The following UNC13C variants were observed in gnomAD, a reference collection of about 807,000 sequenced individuals.
UNC13C encodes unc-13 homolog C.
UNC13C carries 174 observed loss-of-function variants against 245.4 expected under a neutral mutation model. The ratio of observed to expected loss-of-function variants is 0.71; its 90% confidence interval spans 0.63 to 0.80. The LOEUF is 0.80. Ranked by LOEUF, UNC13C falls within the 30% of genes least tolerant of loss-of-function variation. The pLI, the probability that UNC13C is intolerant of heterozygous loss-of-function variation, is 0.00. For synonymous variants in UNC13C, 992 were observed against 895.1 expected, an observed-to-expected ratio of 1.11 and a Z score of -1.93; for missense variants, 2,829 against 2,602.9, an observed-to-expected ratio of 1.09 and a Z score of -1.89.
intron 30 of UNC13C, among the ~76,000 whole-genome samples, chr15:54,570,578 C>T (rs558235276): frequency 6.6e-6 from 1 of 152,156 alleles, no homozygotes; most frequent in African/African-American, 2.4e-5. Context: ...TCCAGGATTT[C>T]TGAGTAATAT....
At chr15:54,239,271 A>G (rs977427410) in intron 7 of UNC13C, among the ~76,000 whole-genome samples, 1 of 152,030 alleles carries the variant, frequency 6.6e-6, no homozygotes, top group African/African-American at 2.4e-5. Flanking sequence ...CCAAATGTCA[A>G]TCTTTCCTGG....
chr15:54,511,968 A>G (rs1894765559), intron 24 of UNC13C, 138 bp downstream of exon 24: 4 of 685,228 alleles, frequency 5.8e-6, no homozygotes, highest in Middle Eastern at 4.9e-4. Context: ...CTCAAATGTC[A>G]TTAACAACTA....
rs765805592 is a variant in UNC13C, at chr15:54,294,014, T to C, written c.3938T>C (p.Ile1313Thr). The C allele has an allele frequency of 5.1e-5, 81 of 1,594,170 alleles. No individual in the cohort carries two copies. The highest frequency in any genetic ancestry group is 6.8e-5 in the Non-Finnish European group (80 of 1,171,606). The change falls in exon 11 of 33, where the codon ATT becomes ACT. Residue 1313 changes from isoleucine (I) to threonine (T), a missense_variant. Ile to Thr is a moderately conservative substitution (Grantham distance 89). Coordinates refer to ENST00000260323, the MANE Select transcript of UNC13C (RefSeq NM_001080534.3). ...TCAGATGATTTTCTGGGACAAACAA[T>C]TGTAGAAGTGAGGACCTTGAGTGGA... is the stretch of plus-strand genomic sequence containing the variant. ...KESDDFLGQTIVEVRTLSGEM... is the reference protein window; with the variant it reads ...KESDDFLGQTTVEVRTLSGEM...
At chr15:54,088,630 C>T (rs1430157547) in intron 2 of UNC13C, among the ~76,000 whole-genome samples, 4 of 152,146 alleles carry the variant, frequency 2.6e-5, no homozygotes, top group African/African-American at 7.2e-5. Context: ...ATGTTACTTC[C>T]TTTCTCTACA....
chr15:54,191,464 A>G (rs1391868560), intron 4 of UNC13C, among the ~76,000 whole-genome samples: 1 of 152,030 alleles, frequency 6.6e-6, no homozygotes, highest in Non-Finnish European at 1.5e-5. Context: ...TGGGCATTTG[A>G]GTTCGTTCCA....
At chr15:54,188,114 G>A (rs561818663) in intron 4 of UNC13C, among the ~76,000 whole-genome samples, 2 of 152,008 alleles carry the variant, frequency 1.3e-5, no homozygotes, top group Non-Finnish European at 2.9e-5. Context: ...CTTCGAGCCC[G>A]GCCACACTGT....
chr15:54,467,461 A>T (rs1175851095), intron 19 of UNC13C, among the ~76,000 whole-genome samples: 2 of 151,694 alleles, frequency 1.3e-5, no homozygotes, highest in African/African-American at 4.8e-5. Context: ...TCAAATATTT[A>T]TCATTTCTTT....
chr15:54,287,296 G>A (rs968047709), intron 10 of UNC13C, among the ~76,000 whole-genome samples: 2 of 152,012 alleles, frequency 1.3e-5, no homozygotes, highest in African/African-American at 2.4e-5. Flanking sequence ...TAAAAGTCAA[G>A]GTTTGTGAAA....
chr15:53,848,025 C>G, the UNC13C span, among the ~76,000 whole-genome samples: 2 of 152,024 alleles, frequency 1.3e-5, no homozygotes, highest in East Asian at 3.9e-4. Context: ...TCCTTATCAC[C>G]CTTATAATGT....
intron 32 of UNC13C, among the ~76,000 whole-genome samples, chr15:54,625,182 A>G (rs1224953216): frequency 6.6e-6 from 1 of 152,134 alleles, no homozygotes; most frequent in Non-Finnish European, 1.5e-5. Context: ...CCACAGGCAA[A>G]GAGCCAGGGA....
At chr15:54,521,128 A>G (rs1895198227) in intron 24 of UNC13C, among the ~76,000 whole-genome samples, 1 of 152,186 alleles carries the variant, frequency 6.6e-6, no homozygotes, top group Non-Finnish European at 1.5e-5. Context: ...CTTGGAAATA[A>G]GGCTTTTTCA....
At chr15:54,068,471 C>G (rs1898171447) in intron 2 of UNC13C, among the ~76,000 whole-genome samples, 1 of 152,136 alleles carries the variant, frequency 6.6e-6, no homozygotes, top group African/African-American at 2.4e-5. Context: ...ACAGACACAT[C>G]CATTTGTTTA....
the UNC13C span, among the ~76,000 whole-genome samples, chr15:53,949,127 T>G: frequency 6.6e-6 from 1 of 152,204 alleles, no homozygotes; most frequent in Non-Finnish European, 1.5e-5. Flanking sequence ...GCTTTACCTT[T>G]GCAGTGAAGA....
intron 2 of UNC13C, among the ~76,000 whole-genome samples, chr15:54,099,378 A>T (rs1900046896): frequency 6.6e-6 from 1 of 152,190 alleles, no homozygotes; most frequent in South Asian, 2.1e-4. Flanking sequence ...TTGCTTGGGA[A>T]TATAGCAAAC....
the UNC13C span, among the ~76,000 whole-genome samples, chr15:53,964,155 A>T: frequency 6.6e-6 from 1 of 152,208 alleles, no homozygotes; most frequent in South Asian, 2.1e-4. Flanking sequence ...ACATCTTTAC[A>T]GAGTAGGAGT....
the UNC13C span, among the ~76,000 whole-genome samples, chr15:53,931,440 A>T: frequency 6.6e-6 from 1 of 152,140 alleles, no homozygotes; most frequent in Non-Finnish European, 1.5e-5. Flanking sequence ...GAGTGCTGGG[A>T]TTACAGCCGT....
chr15:54,455,493 T>A (rs1330747884), intron 19 of UNC13C, among the ~76,000 whole-genome samples: 1 of 150,262 alleles, frequency 6.7e-6, no homozygotes, highest in African/African-American at 2.4e-5. Context: ...GTAAAAGTGT[T>A]CCTTTTCAGC....
chr15:54,597,255 C>G (rs1899138886), intron 30 of UNC13C, among the ~76,000 whole-genome samples: 1 of 152,144 alleles, frequency 6.6e-6, no homozygotes, highest in African/African-American at 2.4e-5. Flanking sequence ...AGGCCACAGA[C>G]CGGTATCATT....
chr15:53,919,119 C>G, the UNC13C span, among the ~76,000 whole-genome samples: 1 of 152,120 alleles, frequency 6.6e-6, no homozygotes, highest in South Asian at 2.1e-4. Flanking sequence ...CATAGTACTG[C>G]AGAGTAATGC....
Sources: gnomAD v4.1 joint callset for allele counts (sites outside exome capture counted in the v4.1 genomes callset) on GRCh38, gnomAD v4.1.1 for gene constraint, MANE v1.5 for transcripts, NCBI Gene and HGNC (gene_info 2026-07-23, HGNC 2026-07-21) for gene names.